Variants in FBXL7 observed in about 807,000 individuals in gnomAD.
The protein encoded by FBXL7 is F-box and leucine rich repeat protein 7.
Under a neutral mutation model 38.3 loss-of-function variants are expected in FBXL7, and 12 were observed. The observed-to-expected ratio is 0.31, with a 90% CI of 0.20 to 0.51. The LOEUF is 0.51. FBXL7 is among the 20% of genes least tolerant of loss of function. The pLI is 0.98. For synonymous variants in FBXL7, 297 were observed against 300.9 expected, an observed-to-expected ratio of 0.99 and a Z score of 0.13; for missense variants, 567 against 676.4, an observed-to-expected ratio of 0.84 and a Z score of 1.79.
rs1736458183 is a variant in FBXL7 at position 15,500,499 on chromosome 5, C to G, written c.-178C>G. The G allele has an allele frequency of 1.3e-6, 1 of 796,762 alleles. No individual in the cohort carries two copies. The highest frequency in any genetic ancestry group is 1.8e-5 in the African/African-American group (1 of 56,202). 49.4% of individuals were successfully genotyped at this position (796,762 alleles called of 1,614,324 possible). ...AGCCACCGGGGGTGCCAGGAGGGGACGCAGCACCCCCTCCCACTGGAGTGC... is the reference window on the plus strand; with the variant it reads ...AGCCACCGGGGGTGCCAGGAGGGGAGGCAGCACCCCCTCCCACTGGAGTGC... On this transcript the variant is annotated 5_prime_UTR_variant, in exon 1 of 4. Coordinates refer to ENST00000504595, the MANE Select transcript of FBXL7 (RefSeq NM_012304.5).
intron 2 of FBXL7, among the ~76,000 whole-genome samples, chr5:15,707,608 A>G (rs1299275673): frequency 6.6e-6 from 1 of 152,158 alleles, no homozygotes; most frequent in Non-Finnish European, 1.5e-5. Flanking sequence ...CCTCTTTGGA[A>G]TCAGAGGAGG....
intron 1 of FBXL7, among the ~76,000 whole-genome samples, chr5:15,572,857 A>ATATATAC (rs1457129004): frequency 6.6e-6 from 1 of 152,188 alleles, no homozygotes; most frequent in East Asian, 1.9e-4. Flanking sequence ...AGATACCAGT[A>ATATATAC]TATATACCTC....
At position 15,686,039 on chromosome 5, in the gene FBXL7, G is replaced by T. The variant is rs569948776; in HGVS notation, c.127+69967G>T. Among the ~76,000 whole-genome samples the T allele has an allele frequency of 1.2e-4, 19 of 152,230 alleles. No individual in the cohort carries two copies. In the East Asian group the frequency reaches 2.7e-3, roughly 22 times the overall value. On this transcript the variant is annotated intron_variant, in intron 2 of 3. Coordinates refer to ENST00000504595, the MANE Select transcript of FBXL7 (RefSeq NM_012304.5). Reference sequence around the variant, plus strand: ...CCCTTTTGCCATAGAGCAGCAACCAGGTGTGGTTTTTCAGAAATGCCTTTA... The same window carrying T: ...CCCTTTTGCCATAGAGCAGCAACCATGTGTGGTTTTTCAGAAATGCCTTTA...
chr5:15,914,701 T>G (rs1741535851), intron 2 of FBXL7, among the ~76,000 whole-genome samples: 1 of 152,172 alleles, frequency 6.6e-6, no homozygotes. Context: ...TCCAAGTAAT[T>G]CCTGTAAATA....
At chr5:15,757,511 T>A (rs1398684718) in intron 2 of FBXL7, among the ~76,000 whole-genome samples, 1 of 151,486 alleles carries the variant, frequency 6.6e-6, no homozygotes, top group Non-Finnish European at 1.5e-5. Flanking sequence ...ACATTCCTGC[T>A]GAAACTCTGT....
At chr5:15,894,649 T>C (rs1177444667) in intron 2 of FBXL7, among the ~76,000 whole-genome samples, 1 of 152,198 alleles carries the variant, frequency 6.6e-6, no homozygotes, top group Non-Finnish European at 1.5e-5. Flanking sequence ...AAAGATTCCT[T>C]CTAAGGAGAA....
intron 1 of FBXL7, among the ~76,000 whole-genome samples, chr5:15,576,182 A>T (rs1224686695): frequency 2.0e-5 from 3 of 146,410 alleles, no homozygotes; most frequent in African/African-American, 7.7e-5. Flanking sequence ...TCCTGGGTTC[A>T]AGCAATTCTC....
chr5:15,792,732 G>C (rs1438600927), intron 2 of FBXL7, among the ~76,000 whole-genome samples: 1 of 152,126 alleles, frequency 6.6e-6, no homozygotes, highest in Non-Finnish European at 1.5e-5. Flanking sequence ...TCAGCTACAG[G>C]ACCATCTGGA....
chr5:15,560,004 A>C (rs1452593306), intron 1 of FBXL7, among the ~76,000 whole-genome samples: 2 of 152,242 alleles, frequency 1.3e-5, no homozygotes, highest in Non-Finnish European at 2.9e-5. Flanking sequence ...TGTTAGGTAC[A>C]TGCCTCAACA....
chr5:15,874,828 G>A (rs13354275), intron 2 of FBXL7, among the ~76,000 whole-genome samples: 3,425 of 152,192 alleles, frequency 0.023, 122 homozygotes, highest in African/African-American at 0.078. Flanking sequence ...TGTGAAAATG[G>A]CCATACTGCC....
At chr5:15,637,167 A>C (rs1228243506) in intron 2 of FBXL7, among the ~76,000 whole-genome samples, 1 of 152,236 alleles carries the variant, frequency 6.6e-6, no homozygotes, top group East Asian at 1.9e-4. Context: ...AAAGACTTTA[A>C]AATAAAAAAT....
intron 2 of FBXL7, among the ~76,000 whole-genome samples, chr5:15,877,422 C>A (rs1348106904): frequency 6.6e-6 from 1 of 152,072 alleles, no homozygotes; most frequent in African/African-American, 2.4e-5. Flanking sequence ...TTCTTGTTGC[C>A]TGTTAATTTT....
chr5:15,620,415 T>G (rs1216074461), intron 2 of FBXL7, among the ~76,000 whole-genome samples: 3 of 146,658 alleles, frequency 2.0e-5, no homozygotes, highest in Admixed American at 6.8e-5. Flanking sequence ...TGTTTTTTGT[T>G]TTTTTTTTTT....
chr5:15,687,201 A>G (rs550213074), intron 2 of FBXL7, among the ~76,000 whole-genome samples: 1 of 152,380 alleles, frequency 6.6e-6, no homozygotes, highest in South Asian at 2.1e-4. Context: ...AAACCCCTTT[A>G]TAGGAAACCC....
intron 2 of FBXL7, among the ~76,000 whole-genome samples, chr5:15,743,688 G>C (rs993418792): frequency 6.6e-6 from 1 of 152,232 alleles, no homozygotes; most frequent in South Asian, 2.1e-4. Flanking sequence ...GGGACATTTT[G>C]TTGGTGGTCC....
At chr5:15,810,940 G>A (rs745605342) in intron 2 of FBXL7, among the ~76,000 whole-genome samples, 18 of 152,168 alleles carry the variant, frequency 1.2e-4, no homozygotes, top group Non-Finnish European at 2.5e-4. Context: ...GAAACATATC[G>A]GCATTTTCAT....
intron 2 of FBXL7, among the ~76,000 whole-genome samples, chr5:15,803,582 C>G (rs1209606441): frequency 6.7e-6 from 1 of 150,260 alleles, no homozygotes; most frequent in African/African-American, 2.5e-5. Context: ...TTCTTTTCTT[C>G]CCTATCTCTC....
chr5:15,694,660 A>G (rs1579384412), intron 2 of FBXL7, among the ~76,000 whole-genome samples: 1 of 135,190 alleles, frequency 7.4e-6, no homozygotes, highest in Non-Finnish European at 1.7e-5. Flanking sequence ...TGTCATTTTG[A>G]CACCTCTGTC....
intron 1 of FBXL7, among the ~76,000 whole-genome samples, chr5:15,573,097 C>A (rs1402245781): frequency 6.6e-6 from 1 of 152,184 alleles, no homozygotes; most frequent in Non-Finnish European, 1.5e-5. Context: ...AGTATCTGGA[C>A]ACATCTCTGT....
Sources: gnomAD v4.1 joint callset for allele counts (sites outside exome capture counted in the v4.1 genomes callset) on GRCh38, gnomAD v4.1.1 for gene constraint, MANE v1.5 for transcripts, NCBI Gene and HGNC (gene_info 2026-07-23, HGNC 2026-07-21) for gene names.